HS6ST3: variants seen among roughly 807,000 people sequenced by gnomAD.
HS6ST3 encodes the protein heparan-sulfate 6-O-sulfotransferase 3.
In HS6ST3, 12 loss-of-function variants were observed where a neutral mutation model predicts 36.7. The observed-to-expected ratio is 0.33, with a 90% CI of 0.21 to 0.53. The LOEUF (loss-of-function observed/expected upper bound fraction) is 0.53, where lower values mean the gene tolerates loss of function less well. HS6ST3 is among the 20% of genes least tolerant of loss of function. HS6ST3 has a pLI of 0.95. For synonymous variants in HS6ST3, 240 were observed against 257.5 expected (o/e 0.93, Z 0.65); for missense variants, 584 against 640.9 (o/e 0.91, Z 0.96).
At chr13:96,688,223 A>G (rs1356695889) in intron 1 of HS6ST3, among the ~76,000 whole-genome samples, 28 of 74,330 alleles carry the variant, frequency 3.8e-4, no homozygotes, top group Non-Finnish European at 7.8e-4. Context: ...TATAATAATA[A>G]TAATCATCAT....
At chr13:96,770,179 T>C (rs549767247) in intron 1 of HS6ST3, among the ~76,000 whole-genome samples, 1 of 152,324 alleles carries the variant, frequency 6.6e-6, no homozygotes, top group East Asian at 1.9e-4. Context: ...GAATAATAAA[T>C]TGTCCAGAAC....
chr13:96,340,136 A>G (rs1230972988), intron 1 of HS6ST3, among the ~76,000 whole-genome samples: 1 of 152,254 alleles, frequency 6.6e-6, no homozygotes. Flanking sequence ...GAAATAGTTT[A>G]TCTTTTAGCC....
At chr13:96,576,983 T>C (rs1375656047) in intron 1 of HS6ST3, among the ~76,000 whole-genome samples, 3 of 150,874 alleles carry the variant, frequency 2.0e-5, no homozygotes, top group Non-Finnish European at 4.4e-5. Context: ...AGTTGCTCTA[T>C]TTATCTTTCC....
chr13:96,414,909 A>G (rs1177027104), intron 1 of HS6ST3, among the ~76,000 whole-genome samples: 1 of 152,174 alleles, frequency 6.6e-6, no homozygotes, highest in Non-Finnish European at 1.5e-5. Context: ...ATAAGAAAGG[A>G]TGGAGCCTTT....
intron 1 of HS6ST3, among the ~76,000 whole-genome samples, chr13:96,708,171 C>G (rs140979779): frequency 6.6e-6 from 1 of 152,302 alleles, no homozygotes; most frequent in Non-Finnish European, 1.5e-5. Flanking sequence ...TTATGGGACT[C>G]TGGTTTACAT....
At chr13:96,501,877 T>C (rs750577643) in intron 1 of HS6ST3, among the ~76,000 whole-genome samples, 1 of 152,248 alleles carries the variant, frequency 6.6e-6, no homozygotes, top group East Asian at 1.9e-4. Context: ...ACAAAACTTT[T>C]GTTAGCTAGC....
At chr13:96,637,396 T>C (rs1252028032) in intron 1 of HS6ST3, among the ~76,000 whole-genome samples, 1 of 152,118 alleles carries the variant, frequency 6.6e-6, no homozygotes, top group Non-Finnish European at 1.5e-5. Flanking sequence ...AGCACACATA[T>C]GTGGTTTAGA....
At chr13:96,783,815 A>G (rs1010162722) in intron 1 of HS6ST3, among the ~76,000 whole-genome samples, 1 of 152,176 alleles carries the variant, frequency 6.6e-6, no homozygotes, top group Admixed American at 6.5e-5. Flanking sequence ...GTAAGATCAC[A>G]TGAAAGCTGT....
In HS6ST3 at chr13:96,269,545, C is replaced by T. The variant is rs558073971; in HGVS notation, c.707+177976C>T. 2.0e-5 allele frequency among the ~76,000 whole-genome samples: 3 copies of T among 152,094 alleles called. No individual in the cohort carries two copies. In the East Asian group the frequency reaches 5.8e-4, roughly 29 times the overall value. ...TGCACTTCTGCCTGTTCAGAATTTA[C>T]ATCTCTGTGATTATTTAAATAATCT... On this transcript the variant is annotated intron_variant, in intron 1 of 1. Coordinates refer to ENST00000376705, the MANE Select transcript of HS6ST3 (RefSeq NM_153456.4).
chr13:96,341,605 A>G (rs2055130577), intron 1 of HS6ST3, among the ~76,000 whole-genome samples: 2 of 152,168 alleles, frequency 1.3e-5, no homozygotes, highest in African/African-American at 4.8e-5. Flanking sequence ...TAGGGTGAAT[A>G]TGACATGTGA....
At chr13:96,492,800 A>C (rs552010770) in intron 1 of HS6ST3, among the ~76,000 whole-genome samples, 127 of 152,214 alleles carry the variant, frequency 8.3e-4, no homozygotes, top group African/African-American at 2.9e-3. Flanking sequence ...GAAACCTGAG[A>C]GCTTGCTCAC....
intron 1 of HS6ST3, among the ~76,000 whole-genome samples, chr13:96,750,971 A>G (rs1413272901): frequency 3.3e-5 from 5 of 152,236 alleles, no homozygotes; most frequent in Non-Finnish European, 2.9e-5. Context: ...ATTTTCTTCC[A>G]TACACAGAGA....
chr13:96,294,831 G>A (rs2054847009), intron 1 of HS6ST3, among the ~76,000 whole-genome samples: 1 of 151,930 alleles, frequency 6.6e-6, no homozygotes, highest in African/African-American at 2.4e-5. Flanking sequence ...CGTGGATCTT[G>A]GTAATGAACA....
At chr13:96,798,010 C>T (rs1396380639) in intron 1 of HS6ST3, among the ~76,000 whole-genome samples, 1 of 152,078 alleles carries the variant, frequency 6.6e-6, no homozygotes, top group Non-Finnish European at 1.5e-5. Flanking sequence ...GGTTGGTTTA[C>T]CTGTGCTTCT....
At chr13:96,552,344 CA>C (rs2056222548) in intron 1 of HS6ST3, among the ~76,000 whole-genome samples, 1 of 152,184 alleles carries the variant, frequency 6.6e-6, no homozygotes, top group South Asian at 2.1e-4. Context: ...AAGATCAACA[CA>C]GGGGCAGCTA....
At chr13:96,657,067 C>T (rs1036360248) in intron 1 of HS6ST3, among the ~76,000 whole-genome samples, 2 of 151,604 alleles carry the variant, frequency 1.3e-5, no homozygotes, top group African/African-American at 4.9e-5. Context: ...TACCCTGCCA[C>T]ACCTGGGATG....
At chr13:96,598,798 T>C (rs2056411288) in intron 1 of HS6ST3, among the ~76,000 whole-genome samples, 1 of 152,208 alleles carries the variant, frequency 6.6e-6, no homozygotes, top group African/African-American at 2.4e-5. Context: ...CAGTATGATA[T>C]TAACTTTGGG....
chr13:96,385,189 A>C (rs893345192), intron 1 of HS6ST3, among the ~76,000 whole-genome samples: 15 of 152,052 alleles, frequency 9.9e-5, no homozygotes, highest in African/African-American at 3.6e-4. Context: ...CCAAAAAAAA[A>C]AAAAAAGAAA....
intron 1 of HS6ST3, among the ~76,000 whole-genome samples, chr13:96,449,697 T>C (rs1166177865): frequency 6.6e-6 from 1 of 152,210 alleles, no homozygotes; most frequent in African/African-American, 2.4e-5. Flanking sequence ...ATCTAATCAG[T>C]GTATATATTT....
Sources: gnomAD v4.1 joint callset for allele counts (sites outside exome capture counted in the v4.1 genomes callset) on GRCh38, gnomAD v4.1.1 for gene constraint, MANE v1.5 for transcripts, NCBI Gene and HGNC (gene_info 2026-07-23, HGNC 2026-07-21) for gene names.